The following USP24 variants were observed in gnomAD, a reference collection of about 807,000 sequenced individuals.
The protein encoded by USP24 is ubiquitin carboxyl-terminal hydrolase 24.
USP24 carries 97 observed loss-of-function variants against 361.6 expected under a neutral mutation model. That is an observed-to-expected ratio of 0.27 (90% CI 0.23 to 0.32). The LOEUF is 0.32. Among genes scored for constraint, USP24 ranks in the 10% least tolerant of loss-of-function variants. USP24 has a pLI of 1.00. For synonymous variants in USP24, 1,098 were observed against 1,124.6 expected (o/e 0.98, Z 0.47); for missense variants, 2,353 against 3,165.6 (o/e 0.74, Z 6.16).
chr1:55,101,852 G>C, intron 42 of USP24, 149 bp from the exon 43 acceptor site: 1 of 1,026,182 alleles, frequency 9.7e-7, no homozygotes, highest in Non-Finnish European at 1.3e-6. Flanking sequence ...CTATGTTCAT[G>C]AAGTACCTCT....
At chr1:55,093,780 CCT>C in intron 52 of USP24, 155 bp downstream of exon 52, 2 of 1,013,728 alleles carry the variant, frequency 2.0e-6, no homozygotes, top group East Asian at 2.7e-5. Flanking sequence ...TCTATGGCCC[CCT>C]CTGTGTCGTG....
intron 58 of USP24, among the ~76,000 whole-genome samples, chr1:55,082,456 G>A (rs1645168366): frequency 6.6e-6 from 1 of 152,156 alleles, no homozygotes; most frequent in African/African-American, 2.4e-5. Context: ...AAAGAAATAC[G>A]ATGGATGGGA....
chr1:55,120,525 G>A lies in USP24; in HGVS notation c.4508+71C>T, dbSNP rs911593653. The A allele has an allele frequency of 6.2e-6, 9 of 1,443,062 alleles. No homozygotes were observed. The African/African-American group carries it at 1.1e-4, about 18-fold the overall frequency. The allele number at this position is 1,443,062 out of a possible 1,614,324, so 89.4% of individuals were successfully genotyped here. A position where few individuals can be genotyped will look rare whatever the true frequency, so the allele number is the denominator to read the frequency against. ...TCTCAATAATGCACTGTGGACTTCA[G>A]GGGAGCAGCACACAAATTATCATTT... On this transcript the variant is annotated intron_variant, in intron 38 of 67. Coordinates refer to ENST00000294383, the MANE Select transcript of USP24 (RefSeq NM_015306.3).
chr1:55,157,306 C>G lies in USP24; in HGVS notation c.1292G>C (p.Arg431Thr), dbSNP rs199808436. The G allele has an allele frequency of 5.7e-5, 91 of 1,603,050 alleles. No individual in the cohort carries two copies. Among genetic ancestry groups the G allele is most frequent in the Non-Finnish European group, 1.7e-6 (2 of 1,177,104 alleles). The stretch of plus-strand genomic sequence containing the variant: ...GTTTTCAACTAGCCAATCTAATAAT[C>G]TGTCTGTATCTATAGCATTCTTCAC... ...KSVKNAIDTD[R>T]LLDWLVENSV... The change falls in exon 11 of 68, where the codon AGA becomes ACA. Residue 431 changes from arginine to threonine, a missense_variant. Arg to Thr is a moderately conservative substitution (Grantham distance 71). Coordinates refer to ENST00000294383, the MANE Select transcript of USP24 (RefSeq NM_015306.3).
intron 58 of USP24, among the ~76,000 whole-genome samples, chr1:55,082,294 G>C (rs1645164239): frequency 6.6e-6 from 1 of 152,112 alleles, no homozygotes; most frequent in African/African-American, 2.4e-5. Flanking sequence ...CCTGAGAATG[G>C]GGATGAAGCT....
Position 55,141,694 on chromosome 1 carries a change from T to C in USP24, c.2672A>G (p.His891Arg). 6.2e-7 allele frequency: 1 copy of C among 1,611,140 alleles called. No individual in the cohort carries two copies. The highest frequency in any genetic ancestry group is 8.5e-7 in the Non-Finnish European group (1 of 1,178,608). The change falls in exon 24 of 68, where the codon CAT becomes CGT. Residue 891 changes from histidine (H) to arginine (R), a missense_variant. Physicochemically the swap from His to Arg is conservative, Grantham distance 29. Around this residue, in one of 8 missense-constraint regions of USP24, gnomAD observed 949 missense variants for 1,280.5 expected, o/e 0.74. Transcript: ENST00000294383. ...SSALGGPTLT[H>R]AVTRATKMLT... ...CATTTTTGTTGCTCTGGTCACAGCA[T>C]GTGTTAGAGTGGGGCCACCAAGTGC...
intron 30 of USP24, among the ~76,000 whole-genome samples, chr1:55,133,356 T>C (rs1160916285): frequency 6.6e-6 from 1 of 152,198 alleles, no homozygotes. Flanking sequence ...AATCCATTTA[T>C]ATTAGCAACT....
At chr1:55,201,816 T>G (rs78654101) in intron 1 of USP24, among the ~76,000 whole-genome samples, 3,744 of 152,202 alleles carry the variant, frequency 0.025, 56 homozygotes, top group Non-Finnish European at 0.037. Flanking sequence ...GCAAGAGTGA[T>G]TAACAGTACA....
At chr1:55,100,740 AGTCT>A (rs1570401932) in intron 44 of USP24, 95 bp downstream of exon 44, 5 of 60,706 alleles carry the variant, frequency 8.2e-5, no homozygotes, top group Non-Finnish European at 1.3e-4. Context: ...GCAAGAGATT[AGTCT>A]AAAGTTAATA....
intron 38 of USP24, among the ~76,000 whole-genome samples, chr1:55,117,086 C>T (rs1412860897): frequency 2.0e-5 from 3 of 152,312 alleles, no homozygotes; most frequent in Middle Eastern, 6.8e-3. Flanking sequence ...AAAAGACCCA[C>T]ATGATTATCT....
At chr1:55,118,255 C>T (rs754128444) in intron 38 of USP24, among the ~76,000 whole-genome samples, 2 of 152,124 alleles carry the variant, frequency 1.3e-5, no homozygotes, top group Non-Finnish European at 2.9e-5. Flanking sequence ...CAGTCTTATA[C>T]TGGTAAAAAG....
At chr1:55,145,852 AAT>A (rs1557631895) in intron 20 of USP24, 144 bp downstream of exon 20, 6 of 595,100 alleles carry the variant, frequency 1.0e-5, no homozygotes, top group Admixed American at 3.1e-5. Context: ...TTGAGTACTA[AAT>A]ATGTCTTTAG....
At position 55,094,178 on chromosome 1, in the gene USP24, T is replaced by A; in HGVS notation, c.6204-91A>T. On this transcript the variant is annotated intron_variant, in intron 51 of 67. Transcript: ENST00000294383. ...CTTGCCAAATTCACATAAACGGGTA[T>A]TAGACTATTTGATTATTATACATGT... The A allele has an allele frequency of 5.4e-6, 7 of 1,299,678 alleles. 1 individual carries two copies. In the South Asian group the frequency reaches 1.1e-4, roughly 20 times the overall value. 80.5% of individuals were successfully genotyped at this position (1,299,678 alleles called of 1,614,324 possible). A position where few individuals can be genotyped will look rare whatever the true frequency, so the allele number is the denominator to read the frequency against.
In USP24 at chr1:55,205,322, CT is replaced by C. The variant is rs201719546; in HGVS notation, c.324+9467del. Among the ~76,000 whole-genome samples the C allele has an allele frequency of 3.1e-3, 472 of 152,208 alleles. 3 individuals are homozygous for C. Among genetic ancestry groups the C allele is most frequent in the Non-Finnish European group, 5.4e-3 (364 of 68,006 alleles). ...TAAAAACAATTAGCAAGGCAAAATG[CT>C]GTGAGATATGGGGGCAGGACAAGGG... On this transcript the variant is annotated intron_variant, in intron 1 of 67. Transcript: ENST00000294383.
chr1:55,092,875 A>G lies in USP24; in HGVS notation c.6396T>C (p.Asp2132=). 3 of 1,594,164 alleles carry G rather than the reference A, an allele frequency of 1.9e-6. No homozygotes were observed. Among genetic ancestry groups the G allele is most frequent in the Non-Finnish European group, 2.6e-6 (3 of 1,172,780 alleles). ...AACTGAAATAATCACTACTGTATAC[A>G]TCTCTATTCTTCATAAACTTGAGGT... is the stretch of plus-strand genomic sequence containing the variant. ...DENLKFMKNR[D]VYSSDYFSFV... Residue 2132 remains aspartate (D), a synonymous_variant, in exon 53 of 68, where the codon GAT becomes GAC. Transcript: ENST00000294383.
intron 1 of USP24, among the ~76,000 whole-genome samples, chr1:55,180,128 C>T (rs188334647): frequency 6.6e-6 from 1 of 152,270 alleles, no homozygotes; most frequent in East Asian, 1.9e-4. Context: ...TCCCAAAAGG[C>T]CACAGCAGTA....
chr1:55,132,500 A>C (rs376175298), intron 31 of USP24, 45 bp downstream of exon 31: 2 of 1,575,370 alleles, frequency 1.3e-6, no homozygotes, highest in African/African-American at 2.7e-5. Flanking sequence ...CGATAAATCC[A>C]AATAGACCTG....
chr1:55,214,520 C>G (rs533471571), intron 1 of USP24, among the ~76,000 whole-genome samples: 1 of 152,124 alleles, frequency 6.6e-6, no homozygotes, highest in East Asian at 1.9e-4. Flanking sequence ...GCCTAAGGGA[C>G]CCCTCCTCAC....
At chr1:55,111,966 T>C (rs368542444) in intron 38 of USP24, among the ~76,000 whole-genome samples, 17 of 152,124 alleles carry the variant, frequency 1.1e-4, no homozygotes, top group African/African-American at 4.1e-4. Context: ...TAATAAAGAC[T>C]TGCAAACAAC....
Sources: gnomAD v4.1 joint callset for allele counts (sites outside exome capture counted in the v4.1 genomes callset) on GRCh38, gnomAD v4.1.1 for gene constraint, gnomAD v4.1.1 regional missense constraint, MANE v1.5 for transcripts, NCBI Gene and HGNC (gene_info 2026-07-23, HGNC 2026-07-21) for gene names.